The following TSHZ3 variants were observed in gnomAD, a reference collection of about 807,000 sequenced individuals.
TSHZ3 encodes teashirt homolog 3.
A neutral mutation model predicts 64.5 loss-of-function variants in TSHZ3; 10 were observed. That is an observed-to-expected ratio of 0.16 (90% CI 0.10 to 0.26). TSHZ3 has a LOEUF of 0.26. Ranked by LOEUF, TSHZ3 falls within the 10% of genes least tolerant of loss-of-function variation. The pLI is 1.00. For synonymous variants in TSHZ3, 608 were observed against 593.1 expected (o/e 1.03, Z -0.36); for missense variants, 1,242 against 1,421.7 (o/e 0.87, Z 2.03).
intron 5 of TSHZ3, among the ~76,000 whole-genome samples, chr19:31,170,748 A>G (rs1599558520): frequency 6.6e-6 from 1 of 152,372 alleles, no homozygotes; most frequent in East Asian, 1.9e-4. Flanking sequence ...GTAGTGCTTT[A>G]AAACAAAGTA....
At chr19:31,157,425 C>G (rs1329231352) in intron 5 of TSHZ3, among the ~76,000 whole-genome samples, 4 of 152,128 alleles carry the variant, frequency 2.6e-5, no homozygotes, top group Non-Finnish European at 5.9e-5. Context: ...CCACTTTTTG[C>G]TCTAAAAGGT....
intron 1 of TSHZ3, among the ~76,000 whole-genome samples, chr19:31,248,788 G>GA (rs60222074): frequency 0.066 from 5,973 of 90,914 alleles, 343 homozygotes; most frequent in African/African-American, 0.18. Context: ...GACCCTGTTT[G>GA]AAAAAAAAAA....
rs1976307309 is a variant in TSHZ3 at position 31,278,965 on chromosome 19, C to T, written c.828G>A (p.Lys276=). 6.2e-7 allele frequency: 1 copy of T among 1,614,194 alleles called. No individual in the cohort carries two copies. Among genetic ancestry groups the T allele is most frequent in the South Asian group, 1.1e-5 (1 of 91,076 alleles). ...CAAAGGAGTGGCCACAGTACATGCA[C>T]TTCAGCACCTTCTGGGCGTCTTCCT... is the stretch of plus-strand genomic sequence containing the variant. ...EGKEDAQKVL[K]CMYCGHSFES... is the part of the protein sequence containing the mutation. Residue 276 remains lysine, a synonymous_variant, in exon 2 of 2, where the codon AAG becomes AAA. Transcript: ENST00000240587. The surrounding 1 kb of genome is among the most constrained non-coding windows in gnomAD (Gnocchi z 4.7).
Position 31,349,076 on chromosome 19 carries a change from C to A in TSHZ3, c.40+104G>T, listed in dbSNP as rs368860325. On this transcript the variant is annotated intron_variant, in intron 1 of 1. Transcript: ENST00000240587. Reference sequence around the variant, plus strand: ...GAGCGGCGCCCGGAGTTACTCAGTGCGGGCAGAAGAGCGGGGCGAGGAGCG... The same window carrying A: ...GAGCGGCGCCCGGAGTTACTCAGTGAGGGCAGAAGAGCGGGGCGAGGAGCG... 15 of 1,421,186 alleles carry A rather than the reference C, an allele frequency of 1.1e-5. 1 individual carries two copies. The highest frequency in any genetic ancestry group is 7.4e-5 in the African/African-American group (5 of 67,936). The allele number at this position is 1,421,186 out of a possible 1,614,324, so 88.0% of individuals were successfully genotyped here. A position where few individuals can be genotyped will look rare whatever the true frequency, so the allele number is the denominator to read the frequency against.
intron 1 of TSHZ3, among the ~76,000 whole-genome samples, chr19:31,307,408 G>T (rs1163946557): frequency 6.6e-6 from 1 of 152,128 alleles, no homozygotes; most frequent in Non-Finnish European, 1.5e-5. Flanking sequence ...GCGGAGCTGA[G>T]AGTGTCAAGA....
intron 5 of TSHZ3, among the ~76,000 whole-genome samples, chr19:31,174,631 C>T (rs1201290042): frequency 6.6e-6 from 1 of 152,180 alleles, no homozygotes; most frequent in Non-Finnish European, 1.5e-5. Context: ...ATGGGTTTGT[C>T]TTCTCTGTGA....
chr19:31,320,261 G>A (rs759545079), intron 1 of TSHZ3, among the ~76,000 whole-genome samples: 10 of 152,104 alleles, frequency 6.6e-5, no homozygotes, highest in African/African-American at 2.2e-4. Flanking sequence ...TGACCCCCAA[G>A]CAATACTAGG....
chr19:31,234,878 A>G (rs1975585351), intron 3 of TSHZ3, among the ~76,000 whole-genome samples: 1 of 152,176 alleles, frequency 6.6e-6, no homozygotes, highest in Non-Finnish European at 1.5e-5. Context: ...CTAATAACAT[A>G]TGTTAGGAAG....
rs528289236 is a variant in TSHZ3 at position 31,325,954 on chromosome 19, T to A, written c.40+23226A>T. On this transcript the variant is annotated intron_variant, in intron 1 of 1. Transcript: ENST00000240587. The stretch of plus-strand genomic sequence containing the variant: ...CACCATTTTATTATGTACAATGTAA[T>A]ATACACAGCAAAGTTTAAAGAATTT... Among the ~76,000 whole-genome samples, 595 of 152,342 alleles carry A rather than the reference T, an allele frequency of 3.9e-3. 5 individuals carry two copies. The highest frequency in any genetic ancestry group is 0.013 in the African/African-American group (559 of 41,584).
intron 3 of TSHZ3, among the ~76,000 whole-genome samples, chr19:31,238,527 A>G (rs1051715897): frequency 1.2e-4 from 18 of 152,310 alleles, no homozygotes; most frequent in Admixed American, 5.9e-4. Flanking sequence ...AATTGCTGGG[A>G]TTACAGGCGT....
chr19:31,283,846 C>T (rs546163801), intron 1 of TSHZ3, among the ~76,000 whole-genome samples: 2 of 152,254 alleles, frequency 1.3e-5, no homozygotes, highest in African/African-American at 2.4e-5. Context: ...GCTGGCACAG[C>T]GAATGCCCTG....
In TSHZ3 at chr19:31,277,591, G is replaced by C; in HGVS notation, c.2202C>G (p.Gly734=). Residue 734 remains glycine, a synonymous_variant, in exon 2 of 2, where the codon GGC becomes GGG. Coordinates refer to ENST00000240587, the MANE Select transcript of TSHZ3 (RefSeq NM_020856.4). This position sits in a 1 kb window ranked among gnomAD's most constrained non-coding sequence, Gnocchi z 4.5. ...ALQSVMNIHL[G]KAAKPSLPAL... ...CAGGCAGGGAGGGCTTGGCGGCCTT[G>C]CCCAGGTGAATGTTCATGACTGACT... The C allele has an allele frequency of 3.8e-6, 6 of 1,593,768 alleles. No homozygotes were observed. The highest frequency in any genetic ancestry group is 5.1e-6 in the Non-Finnish European group (6 of 1,169,848).
At chr19:31,340,720 G>A (rs1286533183) in intron 1 of TSHZ3, among the ~76,000 whole-genome samples, 2 of 152,156 alleles carry the variant, frequency 1.3e-5, no homozygotes, top group Non-Finnish European at 2.9e-5. Flanking sequence ...GGGAGGACTG[G>A]GGGCTGCAGG....
At chr19:31,344,583 TCCCCGCGGG>T (rs1917528222) in intron 1 of TSHZ3, among the ~76,000 whole-genome samples, 1 of 152,138 alleles carries the variant, frequency 6.6e-6, no homozygotes, top group Non-Finnish European at 1.5e-5. Context: ...CCTCTCTGCC[TCCCCGCGGG>T]CCTGCCTGCC....
chr19:31,294,371 G>GACTCAGCCAGCCCTGACCCAGC (rs1443600277), intron 1 of TSHZ3, among the ~76,000 whole-genome samples: 27 of 151,728 alleles, frequency 1.8e-4, no homozygotes, highest in African/African-American at 6.5e-4. Flanking sequence ...ACTCAGCCAG[G>GACTCAGCCAGCCCTGACCCAGC]ACTCAGCCAG....
At chr19:31,320,700 G>A (rs1916744444) in intron 1 of TSHZ3, among the ~76,000 whole-genome samples, 1 of 152,200 alleles carries the variant, frequency 6.6e-6, no homozygotes, top group South Asian at 2.1e-4. Flanking sequence ...AGCACTAATG[G>A]CCACTGCGCC....
At chr19:31,169,703 G>A (rs186006405) in intron 5 of TSHZ3, among the ~76,000 whole-genome samples, 7 of 152,246 alleles carry the variant, frequency 4.6e-5, no homozygotes, top group East Asian at 1.9e-4. Flanking sequence ...AGTCTGTGCC[G>A]CAGCAACACC....
chr19:31,320,998 C>G (rs2145166764), intron 1 of TSHZ3, among the ~76,000 whole-genome samples: 1 of 152,196 alleles, frequency 6.6e-6, no homozygotes, highest in East Asian at 1.9e-4. Context: ...ATCCATCGTC[C>G]ACAGAAGATC....
intron 1 of TSHZ3, among the ~76,000 whole-genome samples, chr19:31,307,138 G>A (rs181959146): frequency 2.2e-4 from 33 of 151,936 alleles, no homozygotes; most frequent in Non-Finnish European, 3.2e-4. Flanking sequence ...AAGTGCTTGA[G>A]GAAAAAAAAA....
Sources: allele counts gnomAD v4.1 joint callset (sites outside exome capture counted in the v4.1 genomes callset), GRCh38; gene constraint gnomAD v4.1.1; non-coding constraint Gnocchi (gnomAD v3.1); transcripts MANE v1.5; gene names NCBI Gene and HGNC (gene_info 2026-07-23, HGNC 2026-07-21).